MAGI2: variants seen among roughly 807,000 people sequenced by gnomAD.
MAGI2 encodes membrane associated guanylate kinase, WW and PDZ domain containing 2.
In MAGI2, 35 loss-of-function variants were observed where a neutral mutation model predicts 133.3. The ratio of observed to expected loss-of-function variants is 0.26; its 90% CI spans 0.20 to 0.35. MAGI2 has a LOEUF of 0.35. Ranked by LOEUF, MAGI2 falls within the 10% of genes least tolerant of loss-of-function variation. The pLI, the probability that MAGI2 is intolerant of heterozygous loss-of-function variation, is 1.00. For synonymous variants in MAGI2, 729 were observed against 710.6 expected, an observed-to-expected ratio of 1.03 and a Z score of -0.41; for missense variants, 1,636 against 1,863.4, an observed-to-expected ratio of 0.88 and a Z score of 2.25.
chr7:78,980,885 G>T (rs1226902994), intron 2 of MAGI2, among the ~76,000 whole-genome samples: 3 of 150,772 alleles, frequency 2.0e-5, no homozygotes, highest in African/African-American at 7.3e-5. Context: ...AGAGTATTTT[G>T]GCCTAATTCA....
intron 1 of MAGI2, among the ~76,000 whole-genome samples, chr7:79,391,211 G>A (rs530541285): frequency 2.1e-4 from 32 of 152,118 alleles, no homozygotes; most frequent in Non-Finnish European, 4.1e-4. Context: ...TGGAAAATGA[G>A]TAGAAACAAG....
chr7:79,065,828 G>A (rs1250032370), intron 1 of MAGI2, among the ~76,000 whole-genome samples: 1 of 152,104 alleles, frequency 6.6e-6, no homozygotes, highest in East Asian at 1.9e-4. Context: ...TTCTCTTCTG[G>A]TGTTAGTTTG....
At chr7:78,942,079 A>G (rs936634253) in intron 2 of MAGI2, among the ~76,000 whole-genome samples, 1 of 152,162 alleles carries the variant, frequency 6.6e-6, no homozygotes, top group African/African-American at 2.4e-5. Flanking sequence ...TGGTGGAAAG[A>G]AAAAATGTTA....
intron 9 of MAGI2, among the ~76,000 whole-genome samples, chr7:78,273,589 G>A (rs761606325): frequency 2.0e-5 from 3 of 151,930 alleles, no homozygotes; most frequent in Admixed American, 6.5e-5. Flanking sequence ...ACGTAGATTT[G>A]GTCTTTTCAC....
intron 2 of MAGI2, among the ~76,000 whole-genome samples, chr7:78,724,423 T>C (rs993083631): frequency 1.3e-5 from 2 of 152,196 alleles, no homozygotes; most frequent in African/African-American, 4.8e-5. Context: ...TAGTTGTAGA[T>C]GGCAGGAAAG....
At chr7:78,236,314 G>A (rs1197200094) in intron 10 of MAGI2, among the ~76,000 whole-genome samples, 4 of 151,652 alleles carry the variant, frequency 2.6e-5, no homozygotes, top group Non-Finnish European at 3.0e-5. Context: ...GAAAAGCCCA[G>A]ACAGAAGACA....
chr7:78,432,642 C>T (rs550685944), intron 6 of MAGI2, among the ~76,000 whole-genome samples: 1 of 152,070 alleles, frequency 6.6e-6, no homozygotes, highest in South Asian at 2.1e-4. Flanking sequence ...ACTGAGAATT[C>T]CTCAAATGAT....
chr7:79,174,884 G>T (rs1004675968), intron 1 of MAGI2, among the ~76,000 whole-genome samples: 3 of 151,902 alleles, frequency 2.0e-5, no homozygotes, highest in Non-Finnish European at 2.9e-5. Flanking sequence ...TATTGGAAAA[G>T]ATATAAATAC....
intron 2 of MAGI2, among the ~76,000 whole-genome samples, chr7:78,702,385 G>T (rs772313666): frequency 2.0e-5 from 3 of 151,872 alleles, no homozygotes; most frequent in Non-Finnish European, 2.9e-5. Flanking sequence ...CAAGAGTAAG[G>T]ATTCCTAATA....
intron 10 of MAGI2, among the ~76,000 whole-genome samples, chr7:78,218,231 T>C (rs939767989): frequency 1.3e-5 from 2 of 152,248 alleles, no homozygotes; most frequent in South Asian, 2.1e-4. Context: ...GTCTGTGGCA[T>C]GTTGGAACCA....
At chr7:78,238,074 A>G (rs1790738200) in intron 10 of MAGI2, among the ~76,000 whole-genome samples, 1 of 152,118 alleles carries the variant, frequency 6.6e-6, no homozygotes, top group Admixed American at 6.6e-5. Flanking sequence ...GGCTACTAGG[A>G]CATGGTTTTT....
rs779958718 is a variant in MAGI2, at chr7:78,783,573, C to T, written c.419-156334G>A. 7.2e-5 allele frequency among the ~76,000 whole-genome samples: 11 copies of T among 152,220 alleles called. No homozygotes were observed. In the South Asian group the frequency reaches 8.3e-4, roughly 11 times the overall value. ...TTCTAGTGTTTTTGGATGGGAGTTC[C>T]GCTGTACAGGAACCTGGAGCTTTGC... On this transcript the variant is annotated intron_variant, in intron 2 of 21. Coordinates refer to ENST00000354212, the MANE Select transcript of MAGI2 (RefSeq NM_012301.4).
At chr7:79,192,477 C>T (rs1827759623) in intron 1 of MAGI2, among the ~76,000 whole-genome samples, 1 of 151,716 alleles carries the variant, frequency 6.6e-6, no homozygotes, top group South Asian at 2.1e-4. Flanking sequence ...AAAAAAACTA[C>T]AAGAAGGGAC....
intron 6 of MAGI2, chr7:78,456,839 G>A (rs759114477): frequency 9.2e-5 from 14 of 152,136 alleles, no homozygotes; most frequent in Non-Finnish European, 1.9e-4. Context: ...ACCAACCATA[G>A]TTAAATACTA....
chr7:79,395,190 A>G (rs991333856), intron 1 of MAGI2, among the ~76,000 whole-genome samples: 1 of 152,226 alleles, frequency 6.6e-6, no homozygotes, highest in African/African-American at 2.4e-5. Context: ...ATTTTCTTAC[A>G]AATAAATGTA....
intron 10 of MAGI2, among the ~76,000 whole-genome samples, chr7:78,248,226 C>T (rs933346267): frequency 1.3e-5 from 2 of 152,044 alleles, no homozygotes; most frequent in Non-Finnish European, 2.9e-5. Context: ...GAAATCATTC[C>T]CCTACATCTG....
intron 2 of MAGI2, among the ~76,000 whole-genome samples, chr7:78,915,395 T>C (rs1798709454): frequency 1.3e-5 from 2 of 152,044 alleles, no homozygotes; most frequent in African/African-American, 4.8e-5. Context: ...TTCCAGAGAG[T>C]GCAATTGCTG....
At chr7:78,026,884 T>G (rs1346842204) in intron 21 of MAGI2, among the ~76,000 whole-genome samples, 1 of 152,226 alleles carries the variant, frequency 6.6e-6, no homozygotes, top group Non-Finnish European at 1.5e-5. Flanking sequence ...TTATTGCTAT[T>G]GATACTACTC....
intron 1 of MAGI2, among the ~76,000 whole-genome samples, chr7:79,150,162 A>G (rs1231437961): frequency 6.6e-6 from 1 of 152,142 alleles, no homozygotes; most frequent in Non-Finnish European, 1.5e-5. Flanking sequence ...TAAGAAGGCA[A>G]ATCCATGGAG....
Sources: gnomAD v4.1 joint callset for allele counts (sites outside exome capture counted in the v4.1 genomes callset) on GRCh38, gnomAD v4.1.1 for gene constraint, MANE v1.5 for transcripts, NCBI Gene and HGNC (gene_info 2026-07-23, HGNC 2026-07-21) for gene names.